CSMD1: variants seen among roughly 807,000 people sequenced by gnomAD.
CSMD1 encodes CUB and sushi domain-containing protein 1.
In CSMD1, 213 loss-of-function variants were observed where a neutral mutation model predicts 417.5. The observed-to-expected ratio is 0.51, with a 90% CI of 0.46 to 0.57. The LOEUF is 0.57. Ranked by LOEUF, CSMD1 falls within the 20% of genes least tolerant of loss-of-function variation. CSMD1 has a pLI of 0.00. For synonymous variants in CSMD1, 2,862 were observed against 1,736.8 expected, an observed-to-expected ratio of 1.65 and a Z score of -16.11; for missense variants, 6,923 against 4,529.7, an observed-to-expected ratio of 1.53 and a Z score of -15.17.
chr8:3,610,237 T>C (rs1801824100), intron 8 of CSMD1, among the ~76,000 whole-genome samples: 2 of 152,132 alleles, frequency 1.3e-5, no homozygotes, highest in South Asian at 2.1e-4. Context: ...ATAGTAGATA[T>C]AAACAATAAA....
intron 2 of CSMD1, among the ~76,000 whole-genome samples, chr8:4,420,710 G>GC (rs1244239695): frequency 1.3e-5 from 2 of 152,114 alleles, no homozygotes; most frequent in African/African-American, 4.8e-5. Flanking sequence ...GATAGCAAAG[G>GC]CCCCGTGCAA....
intron 21 of CSMD1, among the ~76,000 whole-genome samples, chr8:3,358,634 A>G (rs1016479246): frequency 2.0e-5 from 3 of 152,186 alleles, no homozygotes; most frequent in African/African-American, 7.2e-5. Context: ...TCCAGAACAC[A>G]CTGAAAAAGT....
At chr8:4,158,356 C>A (rs757130435) in intron 3 of CSMD1, among the ~76,000 whole-genome samples, 1 of 151,866 alleles carries the variant, frequency 6.6e-6, no homozygotes, top group Non-Finnish European at 1.5e-5. Context: ...CAAAGAAAAC[C>A]CGAAAGAAAT....
chr8:4,678,304 G>C (rs532842664), intron 1 of CSMD1, among the ~76,000 whole-genome samples: 88 of 152,120 alleles, frequency 5.8e-4, no homozygotes, highest in African/African-American at 1.9e-3. Context: ...CCAACTACTT[G>C]GGAGGGTGAG....
At chr8:3,958,455 AT>A in intron 5 of CSMD1, among the ~76,000 whole-genome samples, 1 of 151,822 alleles carries the variant, frequency 6.6e-6, no homozygotes, top group Non-Finnish European at 1.5e-5. Context: ...TATTTGTTTT[AT>A]TTTTAAAAAT....
chr8:3,830,262 C>T (rs1468629210), intron 5 of CSMD1, among the ~76,000 whole-genome samples: 3 of 152,190 alleles, frequency 2.0e-5, no homozygotes, highest in Non-Finnish European at 4.4e-5. Context: ...CAAAAATCAG[C>T]ACAGTTAGTC....
intron 26 of CSMD1, among the ~76,000 whole-genome samples, chr8:3,243,637 G>A (rs1296411247): frequency 1.3e-5 from 2 of 152,004 alleles, no homozygotes; most frequent in Admixed American, 1.3e-4. Context: ...AGTTAAGGCA[G>A]GAACTGGCCA....
intron 3 of CSMD1, among the ~76,000 whole-genome samples, chr8:4,286,384 C>G (rs1396543778): frequency 6.6e-6 from 1 of 152,038 alleles, no homozygotes; most frequent in Non-Finnish European, 1.5e-5. Flanking sequence ...AACTACAGTC[C>G]TTCACCAAGG....
intron 50 of CSMD1, among the ~76,000 whole-genome samples, chr8:3,039,497 TCTTC>T (rs1266612667): frequency 6.7e-6 from 1 of 148,830 alleles, no homozygotes; most frequent in Non-Finnish European, 1.5e-5. Flanking sequence ...TTCTTTCAAT[TCTTC>T]CTTCTTTCCC....
intron 19 of CSMD1, among the ~76,000 whole-genome samples, chr8:3,368,644 T>A (rs569074879): frequency 6.6e-6 from 1 of 152,130 alleles, no homozygotes; most frequent in African/African-American, 2.4e-5. Flanking sequence ...TGGCCCCAAA[T>A]AGACTCTTAA....
At chr8:3,440,242 A>G (rs1814884402) in intron 12 of CSMD1, among the ~76,000 whole-genome samples, 1 of 152,078 alleles carries the variant, frequency 6.6e-6, no homozygotes, top group Non-Finnish European at 1.5e-5. Flanking sequence ...TCAATTTGGG[A>G]GATTTGAGAT....
At chr8:3,857,153 A>T (rs1318442983) in intron 5 of CSMD1, among the ~76,000 whole-genome samples, 1 of 152,202 alleles carries the variant, frequency 6.6e-6, no homozygotes, top group African/African-American at 2.4e-5. Context: ...AGTTAGTGTA[A>T]AATGATGGGA....
chr8:3,493,748 G>T, intron 10 of CSMD1, 22 bp from the exon 11 acceptor site: 2 of 1,580,204 alleles, frequency 1.3e-6, no homozygotes, highest in Non-Finnish European at 1.7e-6. Flanking sequence ...GTACGAAACA[G>T]TGACTTAGAA....
intron 5 of CSMD1, among the ~76,000 whole-genome samples, chr8:3,823,174 A>G (rs1801837834): frequency 6.6e-6 from 1 of 152,106 alleles, no homozygotes; most frequent in Admixed American, 6.5e-5. Context: ...CTTTATCTTT[A>G]CCACATCAGA....
At chr8:3,076,960 T>G (rs995714665) in intron 49 of CSMD1, among the ~76,000 whole-genome samples, 1 of 152,074 alleles carries the variant, frequency 6.6e-6, no homozygotes, top group South Asian at 2.1e-4. Context: ...TAGCGAACAT[T>G]GTATCCAACA....
intron 6 of CSMD1, among the ~76,000 whole-genome samples, chr8:3,730,736 G>T (rs569798573): frequency 6.6e-6 from 1 of 152,134 alleles, no homozygotes; most frequent in African/African-American, 2.4e-5. Flanking sequence ...CTTATTCACA[G>T]TTCTATGCAG....
intron 5 of CSMD1, among the ~76,000 whole-genome samples, chr8:3,765,052 C>T (rs1013088079): frequency 1.3e-5 from 2 of 152,098 alleles, no homozygotes; most frequent in East Asian, 1.9e-4. Context: ...GCTGCACTGC[C>T]CTTTTTTCTA....
intron 18 of CSMD1, among the ~76,000 whole-genome samples, chr8:3,378,722 TA>T (rs1285196060): frequency 6.6e-6 from 1 of 152,156 alleles, no homozygotes; most frequent in African/African-American, 2.4e-5. Flanking sequence ...AAACTCTCAA[TA>T]AACTAGGTAG....
intron 3 of CSMD1, among the ~76,000 whole-genome samples, chr8:4,113,260 C>A (rs774261231): frequency 1.3e-5 from 2 of 152,078 alleles, no homozygotes; most frequent in African/African-American, 2.4e-5. Context: ...GACTGCACAT[C>A]TCTCATTTTA....
Sources: allele counts gnomAD v4.1 joint callset (sites outside exome capture counted in the v4.1 genomes callset), GRCh38; gene constraint gnomAD v4.1.1; transcripts MANE v1.5; gene names NCBI Gene and HGNC (gene_info 2026-07-23, HGNC 2026-07-21).